Variants in COG5 observed in about 807,000 individuals in gnomAD.
COG5 encodes conserved oligomeric Golgi complex subunit 5.
A neutral mutation model predicts 110.4 loss-of-function variants in COG5; 86 were observed. The observed-to-expected ratio is 0.78, with a 90% CI of 0.65 to 0.93. The LOEUF (loss-of-function observed/expected upper bound fraction) is 0.93. Among genes scored for constraint, COG5 ranks in the 40% least tolerant of loss-of-function variants. The pLI, the probability that COG5 is intolerant of heterozygous loss-of-function variation, is 0.00. For missense variants in COG5, 1,077 were observed against 987.0 expected, an observed-to-expected ratio of 1.09 and a Z score of -1.22; for synonymous variants, 360 against 334.6, an observed-to-expected ratio of 1.08 and a Z score of -0.83.
At chr7:107,315,675 A>G (rs1808663742) in intron 11 of COG5, among the ~76,000 whole-genome samples, 1 of 151,998 alleles carries the variant, frequency 6.6e-6, no homozygotes, top group Non-Finnish European at 1.5e-5. Flanking sequence ...TACTTAGACA[A>G]TCTGTTACAT....
intron 1 of COG5, among the ~76,000 whole-genome samples, chr7:107,560,970 A>G (rs148275626): frequency 2.0e-5 from 3 of 152,320 alleles, no homozygotes; most frequent in East Asian, 3.9e-4. Flanking sequence ...AATGAGGAAG[A>G]TAGGAAAGTG....
rs779916031 is a variant in COG5, at chr7:107,372,592, T to A, written c.835+3A>T. ...AGAAGCTAAATATAAACCACATCCA[T>A]ACCTCTCACAGCTGACTGGGAAGGC... On this transcript the variant is annotated splice_donor_region_variant and intron_variant, in intron 8 of 21. Coordinates refer to ENST00000297135, the MANE Select transcript of COG5 (RefSeq NM_006348.5). 1 of 1,613,140 alleles carries A rather than the reference T, an allele frequency of 6.2e-7. No homozygotes were observed. The highest frequency in any genetic ancestry group is 2.2e-5 in the East Asian group (1 of 44,804).
chr7:107,204,655 G>A (rs762914120), intron 21 of COG5, among the ~76,000 whole-genome samples: 7 of 152,110 alleles, frequency 4.6e-5, no homozygotes, highest in African/African-American at 1.4e-4. Flanking sequence ...AATTGGGTTT[G>A]TTCAAGATTT....
intron 10 of COG5, among the ~76,000 whole-genome samples, chr7:107,351,612 AG>A (rs1812142079): frequency 6.6e-6 from 1 of 152,214 alleles, no homozygotes; most frequent in Non-Finnish European, 1.5e-5. Flanking sequence ...CAAATTTACA[AG>A]AAAAAAAACA....
intron 12 of COG5, among the ~76,000 whole-genome samples, chr7:107,297,600 C>G (rs1346590160): frequency 6.6e-6 from 1 of 151,942 alleles, no homozygotes; most frequent in African/African-American, 2.4e-5. Context: ...AGGCGAGCGC[C>G]ACCATGCCCA....
intron 6 of COG5, among the ~76,000 whole-genome samples, chr7:107,446,804 G>A (rs1046982893): frequency 1.3e-5 from 2 of 152,164 alleles, no homozygotes; most frequent in Non-Finnish European, 2.9e-5. Context: ...CCTCATGAGA[G>A]GTCCTAAGCC....
At chr7:107,480,251 C>T (rs570695556) in intron 6 of COG5, among the ~76,000 whole-genome samples, 39 of 152,132 alleles carry the variant, frequency 2.6e-4, no homozygotes, top group African/African-American at 8.9e-4. Flanking sequence ...TTCAGAATGA[C>T]GGCAAGAAGC....
At chr7:107,541,588 A>G in intron 5 of COG5, among the ~76,000 whole-genome samples, 1 of 147,514 alleles carries the variant, frequency 6.8e-6, no homozygotes, top group East Asian at 2.0e-4. Flanking sequence ...TTGAAATATA[A>G]ATGTCATAAC....
intron 6 of COG5, among the ~76,000 whole-genome samples, chr7:107,473,544 C>T (rs2129111263): frequency 6.6e-6 from 1 of 151,940 alleles, no homozygotes; most frequent in East Asian, 1.9e-4. Context: ...TGCTCTGTAC[C>T]ATTTGTCATT....
intron 10 of COG5, among the ~76,000 whole-genome samples, chr7:107,328,935 C>G (rs1004652265): frequency 6.6e-6 from 1 of 152,124 alleles, no homozygotes; most frequent in Admixed American, 6.5e-5. Context: ...ATTCTCCTGC[C>G]TCAGCTTCCT....
chr7:107,260,838 T>C (rs1803276524), intron 14 of COG5, among the ~76,000 whole-genome samples: 1 of 152,150 alleles, frequency 6.6e-6, no homozygotes, highest in African/African-American at 2.4e-5. Context: ...GTAAATAATC[T>C]GCTGCTTATC....
At chr7:107,489,284 T>G (rs1797843076) in intron 6 of COG5, among the ~76,000 whole-genome samples, 1 of 152,168 alleles carries the variant, frequency 6.6e-6, no homozygotes, top group African/African-American at 2.4e-5. Context: ...ATATTAAAAA[T>G]GAACACATTT....
chr7:107,351,422 C>T lies in COG5; in HGVS notation c.1026+10611G>A, dbSNP rs190811110. On this transcript the variant is annotated intron_variant, in intron 10 of 21. Coordinates refer to ENST00000297135, the MANE Select transcript of COG5 (RefSeq NM_006348.5). The stretch of plus-strand genomic sequence containing the variant: ...GGGCAAGGACTTCATGTCTAAAACA[C>T]CAAAAGCGATGGCAACAAAAGCCAA... Among the ~76,000 whole-genome samples the T allele has an allele frequency of 1.5e-3, 231 of 152,262 alleles. 9 individuals carry two copies. The East Asian group carries it at 0.042, about 28-fold the overall frequency.
chr7:107,476,184 TAA>T (rs34741713), intron 6 of COG5, among the ~76,000 whole-genome samples: 3 of 44,058 alleles, frequency 6.8e-5, no homozygotes, highest in South Asian at 1.2e-3. Context: ...GCAATGATTT[TAA>T]AAAAAAAAAA....
chr7:107,540,077 T>C (rs147730522), intron 5 of COG5, among the ~76,000 whole-genome samples: 12 of 152,130 alleles, frequency 7.9e-5, no homozygotes, highest in African/African-American at 2.4e-4. Context: ...GGGCAGAGAA[T>C]TGGAGAAAAG....
intron 10 of COG5, among the ~76,000 whole-genome samples, chr7:107,341,025 C>T (rs1256309640): frequency 6.6e-6 from 1 of 152,024 alleles, no homozygotes; most frequent in Non-Finnish European, 1.5e-5. Flanking sequence ...GAAGTGCTAG[C>T]CAGAACAATC....
chr7:107,295,081 ATATATATATATATATATATAT>A (rs1271510165), intron 12 of COG5, among the ~76,000 whole-genome samples: 1 of 61,858 alleles, frequency 1.6e-5, no homozygotes, highest in Non-Finnish European at 2.9e-5. Context: ...ATATATATAT[ATATATATATATATATATATAT>A]TTTTTTTTTT....
At chr7:107,207,100 C>G (rs914385951) in intron 21 of COG5, among the ~76,000 whole-genome samples, 1 of 152,222 alleles carries the variant, frequency 6.6e-6, no homozygotes, top group Non-Finnish European at 1.5e-5. Flanking sequence ...TGATTTTTGT[C>G]AGGCATTTAA....
intron 6 of COG5, among the ~76,000 whole-genome samples, chr7:107,433,505 C>G (rs1421058646): frequency 6.6e-6 from 1 of 152,096 alleles, no homozygotes; most frequent in Non-Finnish European, 1.5e-5. Flanking sequence ...GAATAGAGAG[C>G]CCAGATATAA....
Sources: allele counts gnomAD v4.1 joint callset (sites outside exome capture counted in the v4.1 genomes callset), GRCh38; gene constraint gnomAD v4.1.1; transcripts MANE v1.5; gene names NCBI Gene and HGNC (gene_info 2026-07-23, HGNC 2026-07-21).